Variants in CCDC3 observed in about 807,000 individuals in gnomAD.
CCDC3 encodes coiled-coil domain containing 3.
Under a neutral mutation model 21.4 loss-of-function variants are expected in CCDC3, and 24 were observed. That is an observed-to-expected ratio of 1.12 (90% CI 0.81 to 1.58). The LOEUF (loss-of-function observed/expected upper bound fraction) is 1.58. Among genes scored for constraint, CCDC3 ranks in the 40% most tolerant of loss-of-function variants. CCDC3 has a pLI of 0.00. For synonymous variants in CCDC3, 186 were observed against 166.0 expected (o/e 1.12, Z -0.93); for missense variants, 425 against 360.9 (o/e 1.18, Z -1.44).
At chr10:12,958,243 C>G (rs1354540868) in intron 2 of CCDC3, among the ~76,000 whole-genome samples, 2 of 152,176 alleles carry the variant, frequency 1.3e-5, no homozygotes, top group African/African-American at 4.8e-5. Context: ...CAACCCAAGA[C>G]CATGAAGAAG....
At chr10:12,922,297 G>A (rs1834464516) in intron 2 of CCDC3, among the ~76,000 whole-genome samples, 2 of 152,094 alleles carry the variant, frequency 1.3e-5, no homozygotes, top group Admixed American at 1.3e-4. Context: ...ACGGGCTTCT[G>A]CAGACCTGGG....
chr10:12,905,992 C>G lies in CCDC3; in HGVS notation c.550-7313G>C, dbSNP rs11258058. ...TGGGAAGCCCATGGGCCTTTACCCA[C>G]GTCCTCCGTAGTGCCTTTTGGCGTT... is the stretch of plus-strand genomic sequence containing the variant. On this transcript the variant is annotated intron_variant, in intron 2 of 2. Transcript: ENST00000378825. 7.0e-4 allele frequency among the ~76,000 whole-genome samples: 107 copies of G among 152,322 alleles called. 1 individual carries two copies. Among genetic ancestry groups the G allele is most frequent in the African/African-American group, 2.5e-3 (106 of 41,582 alleles).
intron 2 of CCDC3, among the ~76,000 whole-genome samples, chr10:12,989,131 G>A (rs886897622): frequency 1.7e-4 from 26 of 152,132 alleles, no homozygotes; most frequent in African/African-American, 6.3e-4. Context: ...CTGGCCCAAC[G>A]CTGCCCATGC....
At chr10:13,089,402 CT>C (rs2131453630) in intron 3 of CCDC3, among the ~76,000 whole-genome samples, 1 of 152,214 alleles carries the variant, frequency 6.6e-6, no homozygotes, top group African/African-American at 2.4e-5. Context: ...TTTGAAGTTG[CT>C]GGGACTATTG....
chr10:13,035,715 T>C (rs72777481), intron 5 of CCDC3, among the ~76,000 whole-genome samples: 4,715 of 152,324 alleles, frequency 0.031, 100 homozygotes, highest in South Asian at 0.074. Context: ...CCAGGGCTAC[T>C]TGACTTAAGC....
At chr10:12,950,906 G>C (rs1834997660) in intron 2 of CCDC3, among the ~76,000 whole-genome samples, 1 of 152,162 alleles carries the variant, frequency 6.6e-6, no homozygotes, top group South Asian at 2.1e-4. Context: ...GAGTAATCAT[G>C]ACAGGTCAGC....
intron 2 of CCDC3, among the ~76,000 whole-genome samples, chr10:12,977,083 C>A (rs1313787671): frequency 6.6e-6 from 1 of 152,012 alleles, no homozygotes; most frequent in Non-Finnish European, 1.5e-5. Context: ...AGACCAACCT[C>A]ACCAACATGG....
At chr10:13,019,394 T>A (rs1836115516) in intron 5 of CCDC3, among the ~76,000 whole-genome samples, 1 of 152,174 alleles carries the variant, frequency 6.6e-6, no homozygotes, top group African/African-American at 2.4e-5. Flanking sequence ...AAAGTCCAAC[T>A]GGTTCATTCA....
At chr10:13,030,290 C>G (rs183263585) in intron 5 of CCDC3, among the ~76,000 whole-genome samples, 12 of 152,238 alleles carry the variant, frequency 7.9e-5, no homozygotes, top group Admixed American at 5.9e-4. Context: ...CAAGCAAATG[C>G]TGAGAGATTT....
At position 12,934,947 on chromosome 10, in the gene CCDC3, C is replaced by G. The variant is rs142297921; in HGVS notation, c.550-36268G>C. ...CCCAGTCTTATCTTATTATGTTACC[C>G]ACACTGGAGTCCATTGGTGCAATCA... On this transcript the variant is annotated intron_variant, in intron 2 of 2. Transcript: ENST00000378825. Among the ~76,000 whole-genome samples, 339 of 151,752 alleles carry G rather than the reference C, an allele frequency of 2.2e-3. 4 individuals carry two copies. Among genetic ancestry groups the G allele is most frequent in the African/African-American group, 7.9e-3 (326 of 41,378 alleles).
intron 2 of CCDC3, among the ~76,000 whole-genome samples, chr10:12,991,266 C>T (rs1835676942): frequency 6.6e-6 from 1 of 152,050 alleles, no homozygotes; most frequent in South Asian, 2.1e-4. Context: ...CATTTTTTCC[C>T]TCCGTGCTAT....
chr10:12,935,668 ATT>A (rs369781761), intron 2 of CCDC3, among the ~76,000 whole-genome samples: 66 of 140,916 alleles, frequency 4.7e-4, no homozygotes, highest in African/African-American at 1.5e-3. Flanking sequence ...ATCCAAGTAC[ATT>A]TTTTTTTTTT....
At chr10:13,083,322 A>T (rs981343333) in intron 3 of CCDC3, among the ~76,000 whole-genome samples, 9 of 152,252 alleles carry the variant, frequency 5.9e-5, no homozygotes, top group African/African-American at 2.2e-4. Context: ...AAATAGCTAG[A>T]ACAAGACATG....
intron 3 of CCDC3, among the ~76,000 whole-genome samples, chr10:13,098,251 T>A (rs1429506069): frequency 6.6e-6 from 1 of 152,170 alleles, no homozygotes; most frequent in Non-Finnish European, 1.5e-5. Flanking sequence ...TGGGTGACCT[T>A]CTTCTCTTGG....
intron 2 of CCDC3, among the ~76,000 whole-genome samples, chr10:12,935,497 T>C (rs1834722201): frequency 6.6e-6 from 1 of 152,256 alleles, no homozygotes; most frequent in Admixed American, 6.5e-5. Context: ...GTTACTGTTT[T>C]CTATTCATTA....
At chr10:12,925,505 G>C (rs1448449458) in intron 2 of CCDC3, among the ~76,000 whole-genome samples, 1 of 152,218 alleles carries the variant, frequency 6.6e-6, no homozygotes. Flanking sequence ...CAGTCTGCCT[G>C]AATGCCCCTG....
At chr10:13,039,662 G>T in intron 5 of CCDC3, among the ~76,000 whole-genome samples, 1 of 152,110 alleles carries the variant, frequency 6.6e-6, no homozygotes, top group African/African-American at 2.4e-5. Flanking sequence ...GATTAAAGTT[G>T]GGAGAGTGCA....
chr10:12,897,278 T>G lies in CCDC3; in HGVS notation c.*1138A>C, dbSNP rs1214208094. The G allele has an allele frequency of 1.3e-5, 2 of 152,266 alleles. No individual in the cohort carries two copies. The highest frequency in any genetic ancestry group is 2.9e-5 in the Non-Finnish European group (2 of 68,062). 9.4% of individuals were successfully genotyped at this position (152,266 alleles called of 1,614,324 possible). ...AAATGTGCCTGAGCAATAAGTCTAG[T>G]GAATACTCTCATTTTTACTTATAGT... On this transcript the variant is annotated 3_prime_UTR_variant, in exon 3 of 3. Transcript: ENST00000378825.
intron 2 of CCDC3, among the ~76,000 whole-genome samples, chr10:12,911,688 T>C (rs1301879606): frequency 6.6e-6 from 1 of 152,208 alleles, no homozygotes; most frequent in Non-Finnish European, 1.5e-5. Flanking sequence ...TAAAATCTAT[T>C]TTTAACAATG....
Sources: allele counts gnomAD v4.1 joint callset (sites outside exome capture counted in the v4.1 genomes callset), GRCh38; gene constraint gnomAD v4.1.1; transcripts MANE v1.5; gene names NCBI Gene and HGNC (gene_info 2026-07-23, HGNC 2026-07-21).